Variants in KATNIP observed in about 807,000 individuals in gnomAD.
KATNIP encodes katanin-interacting protein.
KATNIP carries 126 observed loss-of-function variants against 174.0 expected under a neutral mutation model. The observed-to-expected ratio is 0.72, with a 90% CI of 0.63 to 0.84. The LOEUF (loss-of-function observed/expected upper bound fraction) is 0.84, where lower values mean the gene tolerates loss of function less well. Among genes scored for constraint, KATNIP ranks in the 40% least tolerant of loss-of-function variants. The pLI is 0.00. For synonymous variants in KATNIP, 810 were observed against 835.7 expected (o/e 0.97, Z 0.53); for missense variants, 1,958 against 2,109.7 (o/e 0.93, Z 1.41).
At chr16:27,734,753 G>C (rs143063127) in intron 14 of KATNIP, among the ~76,000 whole-genome samples, 1,560 of 152,232 alleles carry the variant, frequency 0.01, 28 homozygotes, top group African/African-American at 0.036. Context: ...CGGTACAGGT[G>C]CTCCTAACAG....
At chr16:27,642,655 G>A (rs1417910545) in intron 5 of KATNIP, among the ~76,000 whole-genome samples, 12 of 152,220 alleles carry the variant, frequency 7.9e-5, no homozygotes, top group Non-Finnish European at 1.5e-4. Flanking sequence ...AGGAAGCTGC[G>A]CCATATGTGG....
intron 18 of KATNIP, chr16:27,754,521 G>T (rs1303281912): frequency 6.5e-6 from 3 of 458,220 alleles, no homozygotes; most frequent in Non-Finnish European, 1.2e-5. Flanking sequence ...CTATGTGTTA[G>T]CTGTGACCAT....
chr16:27,671,099 A>T (rs2077884326), intron 6 of KATNIP, among the ~76,000 whole-genome samples: 1 of 152,180 alleles, frequency 6.6e-6, no homozygotes, highest in African/African-American at 2.4e-5. Flanking sequence ...AGGCTGAGGC[A>T]GGAGAATCGC....
At chr16:27,611,193 G>T (rs2142013821) in intron 2 of KATNIP, among the ~76,000 whole-genome samples, 1 of 152,258 alleles carries the variant, frequency 6.6e-6, no homozygotes, top group South Asian at 2.1e-4. Flanking sequence ...GTCTATACAG[G>T]CAAGTTGGTA....
intron 11 of KATNIP, among the ~76,000 whole-genome samples, chr16:27,702,866 C>T (rs1487898383): frequency 6.6e-6 from 1 of 152,112 alleles, no homozygotes; most frequent in East Asian, 1.9e-4. Flanking sequence ...CTCGCAGATT[C>T]CCCTGCATGT....
intron 8 of KATNIP, among the ~76,000 whole-genome samples, chr16:27,691,950 T>C (rs897995163): frequency 6.6e-6 from 1 of 152,214 alleles, no homozygotes; most frequent in African/African-American, 2.4e-5. Context: ...TCACAGGTCA[T>C]GAGACGAGCT....
intron 6 of KATNIP, among the ~76,000 whole-genome samples, chr16:27,669,677 C>T (rs1273228421): frequency 6.6e-6 from 1 of 152,136 alleles, no homozygotes; most frequent in Admixed American, 6.5e-5. Context: ...TTTGTCTCCC[C>T]TCTGCCCCTA....
intron 1 of KATNIP, among the ~76,000 whole-genome samples, chr16:27,558,353 C>T (rs2089715927): frequency 6.6e-6 from 1 of 152,098 alleles, no homozygotes; most frequent in South Asian, 2.1e-4. Flanking sequence ...ATATGTTGGC[C>T]AGGCTGGTTT....
At chr16:27,709,019 G>A (rs973708542) in intron 13 of KATNIP, 99 bp downstream of exon 13, 3 of 976,214 alleles carry the variant, frequency 3.1e-6, no homozygotes, top group Admixed American at 2.3e-5. Context: ...TGGAGGGAGG[G>A]GAAGAACAAC....
intron 1 of KATNIP, among the ~76,000 whole-genome samples, chr16:27,554,742 C>T (rs1308315804): frequency 2.6e-5 from 4 of 151,402 alleles, no homozygotes; most frequent in Admixed American, 6.6e-5. Context: ...TATTTGACCT[C>T]CAAAGAATCC....
At chr16:27,727,203 T>C in intron 14 of KATNIP, 1 of 224,038 alleles carries the variant, frequency 4.5e-6, no homozygotes, top group Non-Finnish European at 9.8e-6. Context: ...TGTTTGTTTG[T>C]TTTTCTAGAC....
chr16:27,641,170 G>T (rs1454390722), intron 5 of KATNIP, among the ~76,000 whole-genome samples: 3 of 151,910 alleles, frequency 2.0e-5, no homozygotes, highest in African/African-American at 7.3e-5. Context: ...AGAGACCTGG[G>T]CTTTCCTTGA....
intron 8 of KATNIP, among the ~76,000 whole-genome samples, chr16:27,688,411 G>A (rs746592305): frequency 7.4e-4 from 112 of 152,244 alleles, no homozygotes; most frequent in Non-Finnish European, 1.3e-3. Flanking sequence ...TGACCAGTAC[G>A]GTGAAACCCC....
At chr16:27,590,439 T>C (rs2075128976) in intron 2 of KATNIP, among the ~76,000 whole-genome samples, 1 of 151,998 alleles carries the variant, frequency 6.6e-6, no homozygotes, top group Admixed American at 6.6e-5. Flanking sequence ...TCCCAAGTGC[T>C]AGGATTACAG....
chr16:27,638,022 A>G (rs1350272849), intron 5 of KATNIP, among the ~76,000 whole-genome samples: 1 of 152,138 alleles, frequency 6.6e-6, no homozygotes, highest in Non-Finnish European at 1.5e-5. Flanking sequence ...CCCCTGATCC[A>G]TCGTGCCTTC....
At chr16:27,647,340 C>G (rs1453649156) in intron 5 of KATNIP, among the ~76,000 whole-genome samples, 1 of 145,504 alleles carries the variant, frequency 6.9e-6, no homozygotes, top group African/African-American at 2.8e-5. Context: ...ATCACAAAGC[C>G]CCCCCCTTTC....
chr16:27,583,436 A>G (rs1401113494), intron 2 of KATNIP, among the ~76,000 whole-genome samples: 9 of 152,180 alleles, frequency 5.9e-5, no homozygotes, highest in Admixed American at 5.9e-4. Context: ...TAGAAGAGAG[A>G]ATGGTGCTAA....
At chr16:27,648,795 C>T (rs2077037775) in intron 6 of KATNIP, 60 bp downstream of exon 6, 4 of 1,575,930 alleles carry the variant, frequency 2.5e-6, no homozygotes, top group African/African-American at 1.4e-5. Context: ...CTCGGTGCTG[C>T]AGTGGCCCCT....
At chr16:27,661,290 T>C (rs952709110) in intron 6 of KATNIP, among the ~76,000 whole-genome samples, 1 of 152,112 alleles carries the variant, frequency 6.6e-6, no homozygotes, top group Non-Finnish European at 1.5e-5. Flanking sequence ...GTGGGGATAG[T>C]AGCAGACAAT....
Sources: allele counts gnomAD v4.1 joint callset (sites outside exome capture counted in the v4.1 genomes callset), GRCh38; gene constraint gnomAD v4.1.1; transcripts MANE v1.5; gene names NCBI Gene and HGNC (gene_info 2026-07-23, HGNC 2026-07-21).